UBE3A: variants seen among roughly 807,000 people sequenced by gnomAD.
The protein encoded by UBE3A is ubiquitin protein ligase E3A.
In UBE3A, 6 loss-of-function variants were observed where a neutral mutation model predicts 83.4. The ratio of observed to expected loss-of-function variants is 0.07; its 90% confidence interval spans 0.04 to 0.14. The LOEUF (loss-of-function observed/expected upper bound fraction) is 0.14. Ranked by LOEUF, UBE3A falls within the 10% of genes least tolerant of loss-of-function variation. The pLI is 1.00. For missense variants in UBE3A, 456 were observed against 1,036.1 expected, an observed-to-expected ratio of 0.44 and a Z score of 7.69; for synonymous variants, 337 against 355.4, an observed-to-expected ratio of 0.95 and a Z score of 0.58.
chr15:25,349,340 G>T (rs1182680383), intron 11 of UBE3A, among the ~76,000 whole-genome samples: 1 of 152,140 alleles, frequency 6.6e-6, no homozygotes, highest in Non-Finnish European at 1.5e-5. Flanking sequence ...TAAGATATTT[G>T]TGGCTTTGGG....
chr15:25,339,105 C>CT lies in UBE3A; in HGVS notation c.*31dup, dbSNP rs750480224. The stretch of plus-strand genomic sequence containing the variant: ...TAAATTTTTTCTTTTTTTTTCCTTC[C>CT]TTTTTTTTGTTTTATTTTGTTTTGT... On this transcript the variant is annotated 3_prime_UTR_variant, in exon 13 of 13. Coordinates refer to ENST00000648336, the MANE Select transcript of UBE3A (RefSeq NM_130839.5). 8.7e-5 allele frequency: 126 copies of CT among 1,440,334 alleles called. No individual in the cohort carries two copies. Among genetic ancestry groups the CT allele is most frequent in the African/African-American group, 2.5e-4 (17 of 68,358 alleles). 89.2% of individuals were successfully genotyped at this position (1,440,334 alleles called of 1,614,324 possible). A position where few individuals can be genotyped will look rare whatever the true frequency, so the allele number is the denominator to read the frequency against.
At chr15:25,417,310 A>G (rs1212299239) in intron 1 of UBE3A, among the ~76,000 whole-genome samples, 4 of 152,284 alleles carry the variant, frequency 2.6e-5, no homozygotes, top group Middle Eastern at 3.4e-3. Flanking sequence ...TGAAGGGATA[A>G]AACTGACCAG....
Position 25,371,904 on chromosome 15 carries a change from A to G in UBE3A, c.362-92T>C, listed in dbSNP as rs1427301712. The G allele has an allele frequency of 4.0e-6, 5 of 1,237,248 alleles. No homozygotes were observed. The highest frequency in any genetic ancestry group is 4.5e-6 in the Non-Finnish European group (4 of 897,122). 76.6% of individuals were successfully genotyped at this position (1,237,248 alleles called of 1,614,324 possible). On this transcript the variant is annotated intron_variant, in intron 5 of 12. Transcript: ENST00000648336. This position sits in a 1 kb window ranked among gnomAD's most constrained non-coding sequence, Gnocchi z 5.3. ...AGTTCTAAAAGTAAAACAGCCAAAC[A>G]TTCTAGGCTCAATATCATTTATGAT...
At chr15:25,399,900 T>A (rs927583803) in intron 4 of UBE3A, among the ~76,000 whole-genome samples, 1 of 152,168 alleles carries the variant, frequency 6.6e-6, no homozygotes, top group African/African-American at 2.4e-5. Flanking sequence ...GTGACTATCA[T>A]GCTGTTATAA....
At chr15:25,413,910 G>A (rs2090434264) in intron 1 of UBE3A, among the ~76,000 whole-genome samples, 1 of 152,042 alleles carries the variant, frequency 6.6e-6, no homozygotes, top group Non-Finnish European at 1.5e-5. Context: ...AAGGTCTTCT[G>A]CTAGTTCATC....
intron 3 of UBE3A, chr15:25,408,645 C>T: frequency 6.2e-7 from 1 of 1,613,804 alleles, no homozygotes; most frequent in Non-Finnish European, 8.5e-7. Context: ...TGCAGCTTCT[C>T]CATCCTGCAA....
intron 4 of UBE3A, among the ~76,000 whole-genome samples, chr15:25,386,210 CTAATCA>C (rs891026382): frequency 3.0e-4 from 45 of 152,136 alleles, no homozygotes; most frequent in Non-Finnish European, 5.7e-4. Context: ...AAAGACTGAC[CTAATCA>C]TAAGACTACA....
intron 6 of UBE3A, among the ~76,000 whole-genome samples, chr15:25,367,173 A>G (rs1204960740): frequency 9.5e-6 from 1 of 105,720 alleles, no homozygotes; most frequent in African/African-American, 5.1e-5. Context: ...GTATATTTAC[A>G]TATTTGTAAA....
intron 4 of UBE3A, among the ~76,000 whole-genome samples, chr15:25,378,181 A>G (rs552973465): frequency 7.2e-5 from 11 of 152,176 alleles, no homozygotes; most frequent in African/African-American, 2.4e-4. Flanking sequence ...ACCAAAATAG[A>G]TATTTTTAAT....
At chr15:25,389,019 T>G (rs892752881) in intron 4 of UBE3A, among the ~76,000 whole-genome samples, 1 of 152,214 alleles carries the variant, frequency 6.6e-6, no homozygotes, top group South Asian at 2.1e-4. Flanking sequence ...AACTCAATAT[T>G]GACAGAAAAA....
chr15:25,343,003 A>T (rs1166251497), intron 11 of UBE3A, among the ~76,000 whole-genome samples: 1 of 152,150 alleles, frequency 6.6e-6, no homozygotes, highest in Non-Finnish European at 1.5e-5. Context: ...GGGTGGAAGC[A>T]GCTAATGAAA....
intron 1 of UBE3A, among the ~76,000 whole-genome samples, chr15:25,427,974 T>A (rs1300794078): frequency 3.3e-5 from 5 of 151,976 alleles, no homozygotes; most frequent in Non-Finnish European, 7.4e-5. Context: ...TTAAGTGAAA[T>A]AAGCCAAACA....
chr15:25,412,778 T>C (rs1380904528), intron 1 of UBE3A, among the ~76,000 whole-genome samples: 2 of 152,140 alleles, frequency 1.3e-5, no homozygotes, highest in African/African-American at 2.4e-5. Context: ...ATACACTGCA[T>C]ATAAAACATT....
At chr15:25,354,739 C>G in intron 9 of UBE3A, 56 bp from the exon 10 acceptor site, 1 of 1,504,510 alleles carries the variant, frequency 6.6e-7, no homozygotes, top group Non-Finnish European at 9.2e-7. Context: ...AAACAAAACA[C>G]AAGTTATTGG....
chr15:25,390,431 G>A (rs932495046), intron 4 of UBE3A, among the ~76,000 whole-genome samples: 4 of 152,158 alleles, frequency 2.6e-5, no homozygotes, highest in African/African-American at 9.7e-5. Flanking sequence ...TTCACAAACT[G>A]TGATATGTCC....
At chr15:25,367,198 C>CATATTTGTAAATATGTAAATATGTAA (rs2079312876) in intron 6 of UBE3A, among the ~76,000 whole-genome samples, 1 of 108,930 alleles carries the variant, frequency 9.2e-6, no homozygotes, top group Non-Finnish European at 1.8e-5. Context: ...TAAATATTTA[C>CATATTTGTAAATATGTAAATATGTAA]ATATTTGTAA....
rs1461488907 is a variant in UBE3A, at chr15:25,370,513, A to G, written c.1608+53T>C. ...GTCACTTTTAAAATGAATTCACTGAACTGTATCATGATATCCCCATTATTA... is the reference window on the plus strand; with the variant it reads ...GTCACTTTTAAAATGAATTCACTGAGCTGTATCATGATATCCCCATTATTA... On this transcript the variant is annotated intron_variant, in intron 6 of 12. Coordinates refer to ENST00000648336, the MANE Select transcript of UBE3A (RefSeq NM_130839.5). This position sits in a 1 kb window ranked among gnomAD's most constrained non-coding sequence, Gnocchi z 4.2. 2 of 1,602,168 alleles carry G rather than the reference A, an allele frequency of 1.2e-6. No homozygotes were observed. The highest frequency in any genetic ancestry group is 1.7e-6 in the Non-Finnish European group (2 of 1,169,200).
At position 25,438,659 on chromosome 15, in the gene UBE3A, C is replaced by A; in HGVS notation, c.-335G>T. ...AAAACGAGGCCGGGAAAGGGAGCGC[C>A]GGGGCCGCCGAAATCCCGGCGTTCG... On this transcript the variant is annotated 5_prime_UTR_variant, in exon 1 of 13. Transcript: ENST00000648336. 1 of 152,628 alleles carries A rather than the reference C, an allele frequency of 6.6e-6. No homozygotes were observed. The highest frequency in any genetic ancestry group is 2.0e-4 in the South Asian group (1 of 4,932). The allele number at this position is 152,628 out of a possible 1,614,324, so 9.5% of individuals were successfully genotyped here.
At chr15:25,341,368 G>A (rs2074755100) in intron 11 of UBE3A, among the ~76,000 whole-genome samples, 1 of 151,660 alleles carries the variant, frequency 6.6e-6, no homozygotes, top group Non-Finnish European at 1.5e-5. Context: ...ACCGCGCCTG[G>A]CCTATAGCTA....
Sources: allele counts gnomAD v4.1 joint callset (sites outside exome capture counted in the v4.1 genomes callset), GRCh38; gene constraint gnomAD v4.1.1; non-coding constraint Gnocchi (gnomAD v3.1); transcripts MANE v1.5; gene names NCBI Gene and HGNC (gene_info 2026-07-23, HGNC 2026-07-21).